Variants in PILRA observed in about 807,000 individuals in gnomAD.
PILRA encodes paired immunoglobulin-like type 2 receptor alpha.
In PILRA, 37 loss-of-function variants were observed where a neutral mutation model predicts 33.1. That is an observed-to-expected ratio of 1.12 (90% confidence interval 0.86 to 1.47). The LOEUF (loss-of-function observed/expected upper bound fraction) is 1.47, where lower values mean the gene tolerates loss of function less well. Among genes scored for constraint, PILRA ranks in the 40% most tolerant of loss-of-function variants. The pLI is 0.00. For synonymous variants in PILRA, 146 were observed against 149.9 expected (o/e 0.97, Z 0.19); for missense variants, 312 against 376.2 (o/e 0.83, Z 1.41).
At chr7:100,372,669 G>A (rs1790847732), upstream of PILRA, among the ~76,000 whole-genome samples, 1 of 152,188 alleles carries the variant, frequency 6.6e-6, no homozygotes, top group Non-Finnish European at 1.5e-5. Flanking sequence ...ATCAGCCAAG[G>A]GCTCAGGTGT....
chr7:100,397,504 T>G (rs1414351946), intron 3 of PILRA, among the ~76,000 whole-genome samples: 1 of 141,464 alleles, frequency 7.1e-6, no homozygotes, highest in Non-Finnish European at 1.5e-5. Flanking sequence ...ACGGTCTCCC[T>G]GAGGACCTGG....
Position 100,391,165 on chromosome 7 carries a change from C to CAAT in PILRA, c.673+1078_673+1080dup, listed in dbSNP as rs201101077. ...CCCTGTCTCTACAAAATAATAATAA[C>CAAT]AATAATAATAATAATAATAATTATT... On this transcript the variant is annotated intron_variant, in intron 3 of 6. Coordinates refer to ENST00000198536, the MANE Select transcript of PILRA (RefSeq NM_013439.3). Among the ~76,000 whole-genome samples, 138 of 141,090 alleles carry CAAT rather than the reference C, an allele frequency of 9.8e-4. 1 individual carries two copies. The highest frequency in any genetic ancestry group is 4.9e-3 in the Admixed American group (69 of 14,162). The allele number at this position is 141,090 out of a possible 152,430, so 92.6% of individuals were successfully genotyped here.
chr7:100,386,471 T>A (rs1028430161), intron 2 of PILRA, among the ~76,000 whole-genome samples: 25 of 152,126 alleles, frequency 1.6e-4, no homozygotes, highest in African/African-American at 5.8e-4. Context: ...ACCACTGCAC[T>A]TTGTTGTTGT....
At chr7:100,390,778 C>T (rs924277127) in intron 3 of PILRA, among the ~76,000 whole-genome samples, 3 of 152,024 alleles carry the variant, frequency 2.0e-5, no homozygotes, top group Non-Finnish European at 2.9e-5. Context: ...GGAAACCATT[C>T]CAGGAGCTGC....
intron 4 of PILRA, among the ~76,000 whole-genome samples, 170 bp downstream of exon 4, chr7:100,398,082 G>A (rs1018649789): frequency 1.3e-5 from 2 of 152,170 alleles, no homozygotes; most frequent in Non-Finnish European, 2.9e-5. Context: ...TAGGGGCCAG[G>A]CTCTTGACCT....
intron 3 of PILRA, 62 bp from the exon 4 acceptor site, chr7:100,397,817 A>G: frequency 6.5e-7 from 1 of 1,547,472 alleles, no homozygotes; most frequent in South Asian, 1.1e-5. Flanking sequence ...GCAGCAGAGA[A>G]GGTGGGATGG....
rs1484974473 is a variant in PILRA at position 100,379,816 on chromosome 7, T to C, written c.454+5383T>C. 3.3e-5 allele frequency among the ~76,000 whole-genome samples: 5 copies of C among 151,798 alleles called. No individual in the cohort carries two copies. In the East Asian group the frequency reaches 9.7e-4, roughly 29 times the overall value. On this transcript the variant is annotated intron_variant, in intron 2 of 6. Coordinates refer to ENST00000198536, the MANE Select transcript of PILRA (RefSeq NM_013439.3). ...AAGAAATCCTCAAGAACAAGAAATA[T>C]ATGAACTGGATGTACAAAAGCAAAA...
At chr7:100,399,462 C>T (rs935756417) in intron 5 of PILRA, 119 bp from the exon 6 acceptor site, 2 of 1,388,696 alleles carry the variant, frequency 1.4e-6, no homozygotes, top group African/African-American at 2.8e-5. Context: ...TTGCCCCTTG[C>T]CCTCACGTGA....
intron 3 of PILRA, among the ~76,000 whole-genome samples, chr7:100,393,339 C>A (rs560872715): frequency 1.3e-5 from 2 of 149,876 alleles, no homozygotes; most frequent in South Asian, 4.2e-4. Flanking sequence ...TTCTGCAGAA[C>A]AAAAACCACA....
chr7:100,382,113 G>A (rs1400856554), intron 2 of PILRA, among the ~76,000 whole-genome samples: 1 of 152,148 alleles, frequency 6.6e-6, no homozygotes, highest in Non-Finnish European at 1.5e-5. Flanking sequence ...GGGCCGAGGA[G>A]TGCGGGAGCA....
At chr7:100,386,415 A>G (rs1403166080) in intron 2 of PILRA, among the ~76,000 whole-genome samples, 2 of 152,098 alleles carry the variant, frequency 1.3e-5, no homozygotes, top group Admixed American at 6.5e-5. Flanking sequence ...GAGACACGAG[A>G]ATCCCTTGAA....
Position 100,374,315 on chromosome 7 carries a change from C to T in PILRA, c.336C>T (p.Ile112=), listed in dbSNP as rs751467803. 6.2e-7 allele frequency: 1 copy of T among 1,614,136 alleles called. No homozygotes were observed. The highest frequency in any genetic ancestry group is 1.7e-5 in the Admixed American group (1 of 60,024). Residue 112 remains isoleucine (I), a synonymous_variant, in exon 2 of 7, where the codon ATC becomes ATT. Coordinates refer to ENST00000198536, the MANE Select transcript of PILRA (RefSeq NM_013439.3). ...TEGQKSGFLR[I]SNLQKQDQSV... is the part of the protein sequence containing the mutation. ...GTCAGAAGAGCGGCTTCCTCAGGAT[C>T]TCCAACCTGCAGAAGCAGGACCAGT...
At chr7:100,398,275 A>C (rs1294148538) in intron 4 of PILRA, among the ~76,000 whole-genome samples, 1 of 150,868 alleles carries the variant, frequency 6.6e-6, no homozygotes, top group Non-Finnish European at 1.5e-5. Flanking sequence ...CATATTGCCT[A>C]CTCTGTTCAA....
At chr7:100,371,735 T>G (rs1306151055), upstream of PILRA, among the ~76,000 whole-genome samples, 1 of 152,102 alleles carries the variant, frequency 6.6e-6, no homozygotes. Flanking sequence ...GCCCTGTCTG[T>G]GAGAGAGCCA....
rs776365447 is a variant in PILRA at position 100,389,988 on chromosome 7, A to G, written c.555A>G (p.Arg185=). The change falls in exon 3 of 7, where the codon CGA becomes CGG. Residue 185 remains arginine, a synonymous_variant. Transcript: ENST00000198536. The stretch of plus-strand genomic sequence containing the variant: ...GCCTCAGGGTCACACAGGGCAAACG[A>G]CGCTCAGACTCTTGGCACATAAGTC... ...TTGLRVTQGK[R]RSDSWHISLE... The G allele has an allele frequency of 5.0e-6, 8 of 1,614,032 alleles. No individual in the cohort carries two copies. In the Admixed American group the frequency reaches 8.3e-5, roughly 17 times the overall value.
chr7:100,387,487 T>C (rs1584222329), intron 2 of PILRA, among the ~76,000 whole-genome samples: 2 of 152,312 alleles, frequency 1.3e-5, no homozygotes, highest in East Asian at 1.9e-4. Flanking sequence ...GTGTTGGGAT[T>C]ACAGGCATGA....
At chr7:100,373,745 G>T in intron 1 of PILRA, 25 bp downstream of exon 1, 1 of 1,612,272 alleles carries the variant, frequency 6.2e-7, no homozygotes. Context: ...CCACCCAGAT[G>T]TGGGCTCTGC....
In PILRA at chr7:100,373,617, G is replaced by A; in HGVS notation, c.-40G>A. The A allele has an allele frequency of 6.2e-7, 1 of 1,612,054 alleles. No homozygotes were observed. Reference sequence around the variant, plus strand: ...ACAGGGCCCCTCTCCTGCCTGGACGGCTCTGCTGGTCTCCCCGTCCCCTGG... The same window carrying A: ...ACAGGGCCCCTCTCCTGCCTGGACGACTCTGCTGGTCTCCCCGTCCCCTGG... On this transcript the variant is annotated 5_prime_UTR_variant, in exon 1 of 7. Coordinates refer to ENST00000198536, the MANE Select transcript of PILRA (RefSeq NM_013439.3).
intron 2 of PILRA, among the ~76,000 whole-genome samples, chr7:100,385,339 T>A (rs1460203220): frequency 3.3e-5 from 5 of 152,168 alleles, no homozygotes; most frequent in Admixed American, 3.3e-4. Flanking sequence ...CTTGTACTTG[T>A]ACTTGATTGT....
Sources: allele counts gnomAD v4.1 joint callset (sites outside exome capture counted in the v4.1 genomes callset), GRCh38; gene constraint gnomAD v4.1.1; transcripts MANE v1.5; gene names NCBI Gene and HGNC (gene_info 2026-07-23, HGNC 2026-07-21).